The following GPHN variants were observed in gnomAD, a reference collection of about 807,000 sequenced individuals.
The protein encoded by GPHN is gephyrin.
In GPHN, 17 loss-of-function variants were observed where a neutral mutation model predicts 95.5. The ratio of observed to expected loss-of-function variants is 0.18; its 90% CI spans 0.12 to 0.27. The LOEUF (loss-of-function observed/expected upper bound fraction) is 0.27, where lower values mean the gene tolerates loss of function less well. Among genes scored for constraint, GPHN ranks in the 10% least tolerant of loss-of-function variants. The pLI, the probability that GPHN is intolerant of heterozygous loss-of-function variation, is 1.00. For missense variants in GPHN, 660 were observed against 978.1 expected, an observed-to-expected ratio of 0.67 and a Z score of 4.34; for synonymous variants, 320 against 322.5, an observed-to-expected ratio of 0.99 and a Z score of 0.08.
rs200424747 is a variant in GPHN, at chr14:66,642,559, G to GT, written c.65-38534dup. Reference sequence around the variant, plus strand: ...TCAGCAGGCAGACATTTTGATTTTTGTTTTTTTTTTTTTTGAAACTGGGAG... The same window carrying GT: ...TCAGCAGGCAGACATTTTGATTTTTGTTTTTTTTTTTTTTTGAAACTGGGAG... On this transcript the variant is annotated intron_variant, in intron 1 of 22. Coordinates refer to ENST00000478722, the MANE Select transcript of GPHN (RefSeq NM_020806.5). 9.3e-3 allele frequency among the ~76,000 whole-genome samples: 1,298 copies of GT among 139,784 alleles called. 12 individuals are homozygous for GT. The highest frequency in any genetic ancestry group is 0.018 in the African/African-American group (696 of 38,834). 91.7% of individuals were successfully genotyped at this position (139,784 alleles called of 152,430 possible). A position where few individuals can be genotyped will look rare whatever the true frequency, so the allele number is the denominator to read the frequency against.
chr14:66,990,808 G>T (rs1227130541), intron 9 of GPHN, among the ~76,000 whole-genome samples: 1 of 151,732 alleles, frequency 6.6e-6, no homozygotes, highest in Non-Finnish European at 1.5e-5. Context: ...ATATCATTCA[G>T]AAGTGCAGGA....
the GPHN span, chr14:67,645,767 C>A: frequency 5.6e-6 from 9 of 1,613,874 alleles, no homozygotes; most frequent in Admixed American, 1.5e-4. Context: ...CCATGGACAG[C>A]CAGTTTCATT....
At chr14:66,915,192 A>G (rs2065846029) in intron 5 of GPHN, among the ~76,000 whole-genome samples, 1 of 152,176 alleles carries the variant, frequency 6.6e-6, no homozygotes, top group South Asian at 2.1e-4. Flanking sequence ...CTCAGTCAAG[A>G]CATTTGGGGA....
chr14:67,700,913 T>A, the GPHN span, among the ~76,000 whole-genome samples: 3 of 146,544 alleles, frequency 2.0e-5, no homozygotes, highest in African/African-American at 7.6e-5. Context: ...TAATCCCAGC[T>A]ACTCGGAGGC....
intron 1 of GPHN, among the ~76,000 whole-genome samples, chr14:66,540,576 CCTT>C (rs2059319360): frequency 6.6e-6 from 1 of 152,114 alleles, no homozygotes; most frequent in South Asian, 2.1e-4. Context: ...AGGACTGAAA[CCTT>C]CTTATTGTGC....
chr14:66,921,002 T>A (rs1442625764), intron 6 of GPHN, among the ~76,000 whole-genome samples: 2 of 152,228 alleles, frequency 1.3e-5, no homozygotes, highest in African/African-American at 4.8e-5. Flanking sequence ...CATTGATTGA[T>A]GGGCATTTGG....
At chr14:67,692,953 G>A in the GPHN span, 1 of 1,612,500 alleles carries the variant, frequency 6.2e-7, no homozygotes, top group Non-Finnish European at 8.5e-7. Context: ...CCAGCTCTTT[G>A]GCTGTCTCCT....
At chr14:66,967,989 T>G (rs1327274218) in intron 9 of GPHN, among the ~76,000 whole-genome samples, 1 of 152,034 alleles carries the variant, frequency 6.6e-6, no homozygotes. Flanking sequence ...TTCATTAGTA[T>G]GTGAATAGTC....
intron 4 of GPHN, among the ~76,000 whole-genome samples, chr14:66,851,105 G>A (rs1397758087): frequency 6.6e-6 from 1 of 151,794 alleles, no homozygotes; most frequent in African/African-American, 2.4e-5. Context: ...AAGTGATACT[G>A]GCACTGTTTT....
chr14:67,338,560 C>T, the GPHN span: 1 of 1,560,734 alleles, frequency 6.4e-7, no homozygotes, highest in Admixed American at 1.9e-5. Flanking sequence ...ATCAAACCTA[C>T]ACACTGTGAA....
the GPHN span, chr14:67,571,879 G>C: frequency 5.6e-6 from 9 of 1,611,994 alleles, no homozygotes; most frequent in Non-Finnish European, 6.8e-6. Context: ...AGCGGACTAG[G>C]CAGCCCCCGG....
chr14:66,635,908 G>T (rs2064071666), intron 1 of GPHN, among the ~76,000 whole-genome samples: 1 of 151,956 alleles, frequency 6.6e-6, no homozygotes, highest in Non-Finnish European at 1.5e-5. Flanking sequence ...GGAGGCTGAG[G>T]CAGGCAGATC....
intron 9 of GPHN, among the ~76,000 whole-genome samples, chr14:66,981,709 A>G (rs1430188183): frequency 6.6e-6 from 1 of 152,200 alleles, no homozygotes; most frequent in African/African-American, 2.4e-5. Context: ...TCCTTAGCAC[A>G]AACAAACAGA....
At chr14:67,196,744 C>A in the GPHN span, 2 of 152,204 alleles carry the variant, frequency 1.3e-5, no homozygotes, top group Non-Finnish European at 2.9e-5. Flanking sequence ...TGGTTCCACT[C>A]ACCAAAAGAC....
chr14:67,392,160 T>C, the GPHN span, among the ~76,000 whole-genome samples: 2 of 152,206 alleles, frequency 1.3e-5, no homozygotes, highest in Non-Finnish European at 2.9e-5. Context: ...CATATGCCTG[T>C]TCTTTGACTT....
At chr14:67,118,188 A>AC (rs1567356784) in intron 16 of GPHN, among the ~76,000 whole-genome samples, 1 of 152,226 alleles carries the variant, frequency 6.6e-6, no homozygotes, top group African/African-American at 2.4e-5. Context: ...TATATATGGG[A>AC]CATACCCAAG....
chr14:67,195,714 TGTGTG>T, the GPHN span, among the ~76,000 whole-genome samples: 11 of 1,098 alleles, frequency 0.01, no homozygotes, highest in Non-Finnish European at 0.022. Flanking sequence ...TCTTTTTGGT[TGTGTG>T]TGTGTGTGTG....
intron 2 of GPHN, among the ~76,000 whole-genome samples, chr14:66,693,310 A>G (rs1234660513): frequency 1.3e-5 from 2 of 152,208 alleles, no homozygotes; most frequent in African/African-American, 4.8e-5. Context: ...TCTAATGAAT[A>G]TGGATATTAT....
At chr14:66,961,439 C>T (rs963422115) in intron 8 of GPHN, among the ~76,000 whole-genome samples, 7 of 151,634 alleles carry the variant, frequency 4.6e-5, no homozygotes, top group African/African-American at 1.5e-4. Flanking sequence ...TAAAAGATTT[C>T]GTTCATCAAT....
Sources: gnomAD v4.1 joint callset for allele counts (sites outside exome capture counted in the v4.1 genomes callset) on GRCh38, gnomAD v4.1.1 for gene constraint, MANE v1.5 for transcripts, NCBI Gene and HGNC (gene_info 2026-07-23, HGNC 2026-07-21) for gene names.